PRKACB: variants seen among roughly 807,000 people sequenced by gnomAD.
PRKACB encodes cAMP-dependent protein kinase catalytic subunit beta.
PRKACB carries 16 observed loss-of-function variants against 51.4 expected under a neutral mutation model. The observed-to-expected ratio is 0.31, with a 90% CI of 0.21 to 0.47. The LOEUF is 0.47. PRKACB is among the 20% of genes least tolerant of loss of function. The pLI is 1.00. For synonymous variants in PRKACB, 147 were observed against 154.4 expected, an observed-to-expected ratio of 0.95 and a Z score of 0.35; for missense variants, 309 against 464.5, an observed-to-expected ratio of 0.67 and a Z score of 3.08.
At chr1:84,148,275 A>C (rs1654386012) in intron 1 of PRKACB, among the ~76,000 whole-genome samples, 1 of 152,086 alleles carries the variant, frequency 6.6e-6, no homozygotes, top group South Asian at 2.1e-4. Flanking sequence ...TATCCTATTC[A>C]TCTATCCTTC....
exon 1 of PRKACB, chr1:84,078,338 G>C: frequency 6.2e-7 from 1 of 1,612,332 alleles, no homozygotes; most frequent in Non-Finnish European, 8.5e-7. Context: ...GGGGAACGCG[G>C]CGACCGCCAA....
At chr1:84,205,311 G>T in intron 8 of PRKACB, 1 of 958,800 alleles carries the variant, frequency 1.0e-6, no homozygotes, top group South Asian at 4.8e-5. Context: ...AAACTAGAAT[G>T]TGTCTCTATT....
At chr1:84,151,139 A>G (rs1654814407) in intron 1 of PRKACB, among the ~76,000 whole-genome samples, 1 of 152,204 alleles carries the variant, frequency 6.6e-6, no homozygotes, top group African/African-American at 2.4e-5. Context: ...CTGCAGGTCC[A>G]GTTCCAGACC....
intron 1 of PRKACB, among the ~76,000 whole-genome samples, chr1:84,148,941 C>T (rs181321152): frequency 5.9e-5 from 9 of 152,182 alleles, no homozygotes; most frequent in Admixed American, 4.6e-4. Context: ...AGTGTGGTCC[C>T]TGTCCAGCAT....
rs368979178 is a variant in PRKACB, at chr1:84,160,962, C to A, written c.187+16414C>A. On this transcript the variant is annotated intron_variant, in intron 1 of 9. Coordinates refer to ENST00000370685, the MANE Select transcript of PRKACB (RefSeq NM_182948.4). ...ATGTGTATTCTGCTGATGTTAAATT[C>A]TGTATTTTATAAATGTCAAGATTTT... Among the ~76,000 whole-genome samples the A allele has an allele frequency of 5.9e-4, 89 of 151,854 alleles. 1 individual carries two copies. In the South Asian group the frequency reaches 0.018, roughly 30 times the overall value.
At chr1:84,151,523 T>C (rs1342776896) in intron 1 of PRKACB, among the ~76,000 whole-genome samples, 1 of 152,184 alleles carries the variant, frequency 6.6e-6, no homozygotes, top group Non-Finnish European at 1.5e-5. Flanking sequence ...TTTGGTAGCA[T>C]TTTACCCACA....
At chr1:84,109,033 G>A (rs533856880) in intron 1 of PRKACB, among the ~76,000 whole-genome samples, 1 of 151,780 alleles carries the variant, frequency 6.6e-6, no homozygotes, top group East Asian at 1.9e-4. Context: ...GTTTCTTTTT[G>A]CCTGACAATT....
intron 8 of PRKACB, among the ~76,000 whole-genome samples, chr1:84,203,990 C>T (rs910469907): frequency 2.6e-5 from 4 of 151,942 alleles, no homozygotes; most frequent in African/African-American, 9.7e-5. Flanking sequence ...TCACAAGGTA[C>T]CCTGAATGTC....
chr1:84,132,944 AAAG>A (rs1408555213), intron 1 of PRKACB, among the ~76,000 whole-genome samples: 4 of 152,288 alleles, frequency 2.6e-5, no homozygotes, highest in South Asian at 4.2e-4. Context: ...AAGGAAGAAA[AAAG>A]AAGAAATATG....
intron 9 of PRKACB, among the ~76,000 whole-genome samples, chr1:84,222,095 A>T (rs1272923541): frequency 6.6e-6 from 1 of 152,068 alleles, no homozygotes; most frequent in Admixed American, 6.5e-5. Context: ...TGCTTTCTAT[A>T]TCTGTGTGCT....
chr1:84,112,632 C>A (rs1277002981), intron 1 of PRKACB, among the ~76,000 whole-genome samples: 5 of 152,140 alleles, frequency 3.3e-5, no homozygotes, highest in Non-Finnish European at 7.4e-5. Flanking sequence ...CTAATAAATT[C>A]ATTTTCTGCT....
chr1:84,078,880 T>G, intron 1 of PRKACB, among the ~76,000 whole-genome samples: 1 of 152,134 alleles, frequency 6.6e-6, no homozygotes, highest in East Asian at 1.9e-4. Context: ...GCCTTAGAGA[T>G]CCTTCATCTC....
upstream of PRKACB, among the ~76,000 whole-genome samples, chr1:84,142,082 C>T (rs1017417714): frequency 4.6e-5 from 7 of 151,960 alleles, no homozygotes; most frequent in East Asian, 1.9e-4. Flanking sequence ...TTCAAGTATT[C>T]GGTGATTCTA....
intron 1 of PRKACB, among the ~76,000 whole-genome samples, chr1:84,080,942 TAAG>T (rs1204270974): frequency 6.6e-6 from 1 of 150,888 alleles, no homozygotes; most frequent in African/African-American, 2.5e-5. Flanking sequence ...TTAAAGACTA[TAAG>T]TAAAAGCTGA....
At chr1:84,171,287 A>ACTAT (rs1199927197) in intron 1 of PRKACB, among the ~76,000 whole-genome samples, 8 of 151,586 alleles carry the variant, frequency 5.3e-5, no homozygotes, top group Non-Finnish European at 7.4e-5. Context: ...GAAGAAAGAA[A>ACTAT]CTGATAAAGA....
intron 1 of PRKACB, among the ~76,000 whole-genome samples, chr1:84,115,370 G>T (rs1650547754): frequency 1.3e-5 from 2 of 151,810 alleles, no homozygotes; most frequent in Admixed American, 1.3e-4. Context: ...TTTTTAATGG[G>T]ATTATGTTTT....
At chr1:84,193,177 G>A (rs188716337) in intron 5 of PRKACB, among the ~76,000 whole-genome samples, 1 of 152,066 alleles carries the variant, frequency 6.6e-6, no homozygotes, top group East Asian at 1.9e-4. Context: ...CCCCTTCCCA[G>A]CCAAATCCCA....
At chr1:84,133,713 C>T (rs937258817) in intron 1 of PRKACB, among the ~76,000 whole-genome samples, 1 of 152,218 alleles carries the variant, frequency 6.6e-6, no homozygotes, top group Non-Finnish European at 1.5e-5. Flanking sequence ...GGAGCCAAGA[C>T]GAGTGCTTCT....
chr1:84,091,852 G>A (rs76782069), intron 1 of PRKACB, among the ~76,000 whole-genome samples: 1 of 152,092 alleles, frequency 6.6e-6, no homozygotes, highest in Non-Finnish European at 1.5e-5. Flanking sequence ...ACACGTTAAT[G>A]ACTTCTTATC....
Sources: gnomAD v4.1 joint callset for allele counts (sites outside exome capture counted in the v4.1 genomes callset) on GRCh38, gnomAD v4.1.1 for gene constraint, MANE v1.5 for transcripts, NCBI Gene and HGNC (gene_info 2026-07-23, HGNC 2026-07-21) for gene names.